Variants in SLC6A4 observed in about 807,000 individuals in gnomAD.
The protein encoded by SLC6A4 is sodium-dependent serotonin transporter.
Under a neutral mutation model 73.4 loss-of-function variants are expected in SLC6A4, and 22 were observed. The ratio of observed to expected loss-of-function variants is 0.30; its 90% confidence interval spans 0.21 to 0.43. The LOEUF (loss-of-function observed/expected upper bound fraction) is 0.43. Ranked by LOEUF, SLC6A4 falls within the 20% of genes least tolerant of loss-of-function variation. SLC6A4 has a pLI of 1.00. For synonymous variants in SLC6A4, 270 were observed against 315.5 expected (o/e 0.86, Z 1.53); for missense variants, 593 against 808.5 (o/e 0.73, Z 3.23).
At chr17:30,204,683 T>TA (rs1906135492) in intron 13 of SLC6A4, 1 of 152,198 alleles carries the variant, frequency 6.6e-6, no homozygotes, top group Admixed American at 6.5e-5. Flanking sequence ...AGAATATTTT[T>TA]AGTAAGCTAC....
rs1469154080 is a variant in SLC6A4 at position 30,215,692 on chromosome 17, T to G, written c.995A>C (p.Gln332Pro). 1 of 1,613,978 alleles carries G rather than the reference T, an allele frequency of 6.2e-7. No homozygotes were observed. Residue 332 changes from glutamine to proline, a missense_variant, in exon 8 of 15, where the codon CAG becomes CCG. By Grantham distance (76) the Gln-to-Pro change is moderately conservative. Transcript: ENST00000650711. ...GCCCGGACCAAGAGAGAAGAAGATC[T>G]GAGCGGCTGCATCTATCCACACCTG... ...ETGVWIDAAA[Q>P]IFFSLGPGFG...
At position 30,196,363 on chromosome 17, in the gene SLC6A4, G is replaced by A. The variant is rs201291138; in HGVS notation, c.*2093C>T. ...CTATGCGGAACAGACAGAGATTTTC[G>A]ATTTTTTTTTTTTAGTTTAATAAAG... is the stretch of plus-strand genomic sequence containing the variant. On this transcript the variant is annotated 3_prime_UTR_variant, in exon 15 of 15. Coordinates refer to ENST00000650711, the MANE Select transcript of SLC6A4 (RefSeq NM_001045.6). 1.0e-4 allele frequency: 15 copies of A among 149,736 alleles called. No individual in the cohort carries two copies. Among genetic ancestry groups the A allele is most frequent in the Admixed American group, 2.0e-4 (3 of 15,038 alleles). The allele number at this position is 149,736 out of a possible 1,614,324, so 9.3% of individuals were successfully genotyped here. A position where few individuals can be genotyped will look rare whatever the true frequency, so the allele number is the denominator to read the frequency against.
intron 1 of SLC6A4, among the ~76,000 whole-genome samples, chr17:30,232,918 G>A (rs56403142): frequency 0.011 from 1,603 of 152,338 alleles, 40 homozygotes; most frequent in African/African-American, 0.037. Context: ...GTACGGGGCT[G>A]TGCAGGCCAA....
At position 30,216,207 on chromosome 17, in the gene SLC6A4, C is replaced by G; in HGVS notation, c.847G>C (p.Val283Leu). 1 of 1,609,910 alleles carries G rather than the reference C, an allele frequency of 6.2e-7. No individual in the cohort carries two copies. Among genetic ancestry groups the G allele is most frequent in the Non-Finnish European group, 8.5e-7 (1 of 1,178,250 alleles). ...GVKTSGKVVW[V>L]TATFPYIILS... ...ATGATATAAGGGAAGGTGGCTGTCA[C>G]CCACACCACCTGTAAGGAAGAAGGG... Residue 283 changes from valine (V) to leucine (L), a missense_variant, in exon 7 of 15, where the codon GTG becomes CTG. By Grantham distance (32) the Val-to-Leu change is conservative. Coordinates refer to ENST00000650711, the MANE Select transcript of SLC6A4 (RefSeq NM_001045.6).
At position 30,212,873 on chromosome 17, in the gene SLC6A4, G is replaced by A. The variant is rs1906431006; in HGVS notation, c.1077-6C>T. The A allele has an allele frequency of 1.2e-6, 2 of 1,614,038 alleles. No homozygotes were observed. The highest frequency in any genetic ancestry group is 2.2e-5 in the South Asian group (2 of 91,076). ...CGCTGGTCACCAGGGCATCTCTGGA[G>A]GGGAAAACCCAAGGGGCCGCCTGAG... On this transcript the variant is annotated splice_region_variant and splice_polypyrimidine_tract_variant and intron_variant, in intron 8 of 14. Coordinates refer to ENST00000650711, the MANE Select transcript of SLC6A4 (RefSeq NM_001045.6).
At position 30,211,731 on chromosome 17, in the gene SLC6A4, C is replaced by A. The variant is rs966451550; in HGVS notation, c.1205-307G>T. On this transcript the variant is annotated intron_variant, in intron 9 of 14. Transcript: ENST00000650711. This position sits in a 1 kb window ranked among gnomAD's most constrained non-coding sequence, Gnocchi z 4.0. ...AAGCTGCACATGAGAATAAGAGTTT[C>A]CACCATATAACAATTCCATGGGATT... Among the ~76,000 whole-genome samples, 2 of 152,154 alleles carry A rather than the reference C, an allele frequency of 1.3e-5. No individual in the cohort carries two copies. The highest frequency in any genetic ancestry group is 4.8e-5 in the African/African-American group (2 of 41,426).
intron 1 of SLC6A4, among the ~76,000 whole-genome samples, chr17:30,231,665 T>C (rs1907120129): frequency 6.6e-6 from 1 of 152,182 alleles, no homozygotes; most frequent in Non-Finnish European, 1.5e-5. Flanking sequence ...AAATGGACCA[T>C]ATCTCTGATT....
chr17:30,216,453 C>T (rs1005898403), intron 6 of SLC6A4, among the ~76,000 whole-genome samples: 1 of 152,076 alleles, frequency 6.6e-6, no homozygotes, highest in South Asian at 2.1e-4. Context: ...TACCTCTGAG[C>T]CCACTATGCA....
intron 9 of SLC6A4, among the ~76,000 whole-genome samples, chr17:30,212,534 G>A (rs1906419845): frequency 6.6e-6 from 1 of 152,158 alleles, no homozygotes; most frequent in African/African-American, 2.4e-5. Flanking sequence ...CTATAGGTGT[G>A]CACTACCATG....
At chr17:30,206,712 CTTTTTTTTTT>C (rs1056871791) in intron 13 of SLC6A4, among the ~76,000 whole-genome samples, 7 of 80,292 alleles carry the variant, frequency 8.7e-5, no homozygotes, top group East Asian at 3.3e-4. Context: ...CTTTTCTTTT[CTTTTTTTTTT>C]TTTTTTTTTT....
rs1471351991 is a variant in SLC6A4 at position 30,235,595 on chromosome 17, G to A, written c.-221+18C>T. On this transcript the variant is annotated intron_variant, in intron 1 of 14. Transcript: ENST00000650711. The surrounding 1 kb of genome is among the most constrained non-coding windows in gnomAD (Gnocchi z 4.5). ...GAAAGAAACGTGGGTTCGAGGCGGA[G>A]AGGAAAAGCGGACCCACCTGCCAGG... 6.6e-6 allele frequency: 1 copy of A among 152,354 alleles called. No homozygotes were observed. Among genetic ancestry groups the A allele is most frequent in the Non-Finnish European group, 1.5e-5 (1 of 68,128 alleles). 9.4% of individuals were successfully genotyped at this position (152,354 alleles called of 1,614,324 possible).
At chr17:30,205,457 T>C (rs1351692352) in intron 13 of SLC6A4, among the ~76,000 whole-genome samples, 1 of 152,216 alleles carries the variant, frequency 6.6e-6, no homozygotes, top group East Asian at 1.9e-4. Flanking sequence ...ATAATATAAA[T>C]TAATAACCCA....
chr17:30,207,748 CT>C lies in SLC6A4; in HGVS notation c.1633del (p.Ser545AlafsTer13). 1 of 1,612,178 alleles carries C rather than the reference CT, an allele frequency of 6.2e-7. No individual in the cohort carries two copies. The highest frequency in any genetic ancestry group is 8.5e-7 in the Non-Finnish European group (1 of 1,178,268). On this transcript the variant is annotated frameshift_variant, in exon 13 of 15. Transcript: ENST00000650711. LOFTEE classifies it high-confidence loss of function. ...GCAACTCACCAGGAGAAACAGAGGG[CT>C]GATGGCCACCCAGCAGATCCTCCAG... ...WFWRICWVAI[S>X]PLFLLFIICS...
At chr17:30,227,225 CTG>C in intron 1 of SLC6A4, among the ~76,000 whole-genome samples, 1 of 152,338 alleles carries the variant, frequency 6.6e-6, no homozygotes, top group Non-Finnish European at 1.5e-5. Flanking sequence ...GCTGAAGGCA[CTG>C]CTGTGTTCCC....
chr17:30,207,233 G>C (rs1045328030), intron 13 of SLC6A4, among the ~76,000 whole-genome samples: 1 of 152,140 alleles, frequency 6.6e-6, no homozygotes, highest in African/African-American at 2.4e-5. Context: ...ATAGTGGCTG[G>C]GAGGGGGCAC....
chr17:30,229,263 A>G (rs903202062), intron 1 of SLC6A4, among the ~76,000 whole-genome samples: 1 of 152,196 alleles, frequency 6.6e-6, no homozygotes, highest in Non-Finnish European at 1.5e-5. Context: ...CTGGGCTCCA[A>G]ATGTTCATCT....
chr17:30,234,571 C>T (rs985386852), intron 1 of SLC6A4, among the ~76,000 whole-genome samples: 5 of 152,168 alleles, frequency 3.3e-5, no homozygotes, highest in African/African-American at 1.2e-4. Flanking sequence ...CTCCTAAAAA[C>T]CCAACACTGA....
chr17:30,221,740 C>T lies in SLC6A4; in HGVS notation c.219G>A (p.Glu73=), dbSNP rs776889936. 1.9e-6 allele frequency: 3 copies of T among 1,614,058 alleles called. No individual in the cohort carries two copies. The highest frequency in any genetic ancestry group is 2.5e-6 in the Non-Finnish European group (3 of 1,180,020). The change falls in exon 3 of 15, where the codon GAG becomes GAA. Residue 73 remains glutamate (E), a synonymous_variant. Transcript: ENST00000650711. ...IPATTTTLVA[E]LHQGERETWG... ...AGGTCTCCCGTTCCCCTTGATGAAG[C>T]TCAGCCACTAGGGTGGTGGTGGTCG...
intron 1 of SLC6A4, among the ~76,000 whole-genome samples, chr17:30,225,616 T>C (rs1356924083): frequency 6.6e-6 from 1 of 152,224 alleles, no homozygotes; most frequent in Admixed American, 6.5e-5. Flanking sequence ...AGTTTCTCCA[T>C]GTCCAGAAAA....
Sources: allele counts gnomAD v4.1 joint callset (sites outside exome capture counted in the v4.1 genomes callset), GRCh38; gene constraint gnomAD v4.1.1; non-coding constraint Gnocchi (gnomAD v3.1); transcripts MANE v1.5; gene names NCBI Gene and HGNC (gene_info 2026-07-23, HGNC 2026-07-21).